The following ANGPT1 variants were observed in gnomAD, a reference collection of about 807,000 sequenced individuals.
The protein encoded by ANGPT1 is angiopoietin-1.
Under a neutral mutation model 62.2 loss-of-function variants are expected in ANGPT1, and 17 were observed. The ratio of observed to expected loss-of-function variants is 0.27; its 90% confidence interval spans 0.19 to 0.41. The LOEUF is 0.41. Ranked by LOEUF, ANGPT1 falls within the 10% of genes least tolerant of loss-of-function variation. ANGPT1 has a pLI of 1.00. For missense variants in ANGPT1, 478 were observed against 594.9 expected (o/e 0.80, Z 2.04); for synonymous variants, 199 against 198.9 (o/e 1.00, Z 0.00).
At chr8:107,254,747 A>G (rs1813320175) in intron 8 of ANGPT1, among the ~76,000 whole-genome samples, 1 of 152,138 alleles carries the variant, frequency 6.6e-6, no homozygotes, top group South Asian at 2.1e-4. Flanking sequence ...CTTGCAGGAA[A>G]TGAAGGTGGA....
At chr8:107,488,761 A>T (rs572500307) in intron 1 of ANGPT1, among the ~76,000 whole-genome samples, 1 of 152,170 alleles carries the variant, frequency 6.6e-6, no homozygotes, top group Non-Finnish European at 1.5e-5. Context: ...ATATCTGTGC[A>T]ATTAAAATAA....
chr8:107,320,972 A>G (rs1815136396), intron 4 of ANGPT1, among the ~76,000 whole-genome samples: 1 of 152,100 alleles, frequency 6.6e-6, no homozygotes, highest in South Asian at 2.1e-4. Flanking sequence ...CTTAATAACA[A>G]CAACTTGCAG....
At chr8:107,438,561 A>C (rs971023588) in intron 1 of ANGPT1, among the ~76,000 whole-genome samples, 1 of 152,172 alleles carries the variant, frequency 6.6e-6, no homozygotes, top group African/African-American at 2.4e-5. Context: ...ATACACTGTA[A>C]TTATTTATGA....
intron 1 of ANGPT1, among the ~76,000 whole-genome samples, chr8:107,464,757 C>T (rs902783119): frequency 1.3e-5 from 2 of 152,088 alleles, no homozygotes; most frequent in African/African-American, 4.8e-5. Context: ...AAGTGAAGCT[C>T]ATACATGGAA....
chr8:107,316,367 T>A (rs1815013805), intron 4 of ANGPT1, among the ~76,000 whole-genome samples: 1 of 152,196 alleles, frequency 6.6e-6, no homozygotes, highest in Non-Finnish European at 1.5e-5. Flanking sequence ...TTGCTAGTAG[T>A]GTGATATTTA....
chr8:107,305,722 T>C (rs1814699332), intron 4 of ANGPT1, among the ~76,000 whole-genome samples: 1 of 152,110 alleles, frequency 6.6e-6, no homozygotes, highest in South Asian at 2.1e-4. Context: ...TTGTATTTTC[T>C]TGAAATTTAA....
chr8:107,316,653 C>T (rs1028582741), intron 4 of ANGPT1, among the ~76,000 whole-genome samples: 2 of 152,156 alleles, frequency 1.3e-5, no homozygotes, highest in African/African-American at 4.8e-5. Flanking sequence ...CATATATTGA[C>T]AATGACTGCT....
At chr8:107,385,489 A>ATCT (rs1338135581) in intron 1 of ANGPT1, among the ~76,000 whole-genome samples, 7 of 152,100 alleles carry the variant, frequency 4.6e-5, no homozygotes, top group African/African-American at 1.7e-4. Flanking sequence ...TTGTATCCTG[A>ATCT]AACTTTGCTG....
chr8:107,464,377 T>C (rs1269339493), intron 1 of ANGPT1, among the ~76,000 whole-genome samples: 1 of 152,166 alleles, frequency 6.6e-6, no homozygotes, highest in Non-Finnish European at 1.5e-5. Flanking sequence ...TAATTTTCAG[T>C]CTTCAAATCT....
chr8:107,303,463 C>A, intron 4 of ANGPT1, 96 bp from the exon 5 acceptor site: 1 of 1,061,384 alleles, frequency 9.4e-7, no homozygotes, highest in Non-Finnish European at 1.4e-6. Context: ...TTCATTTCCT[C>A]CACACAAATG....
At chr8:107,442,078 C>T (rs1016800862) in intron 1 of ANGPT1, among the ~76,000 whole-genome samples, 6 of 151,804 alleles carry the variant, frequency 4.0e-5, no homozygotes, top group East Asian at 1.9e-4. Flanking sequence ...AGTGACACTC[C>T]GTCTCAAAAA....
At chr8:107,469,077 C>A (rs888944962) in intron 1 of ANGPT1, among the ~76,000 whole-genome samples, 1 of 151,986 alleles carries the variant, frequency 6.6e-6, no homozygotes, top group Non-Finnish European at 1.5e-5. Context: ...TTAACTCATT[C>A]ATTTAGTACT....
intron 5 of ANGPT1, among the ~76,000 whole-genome samples, chr8:107,296,520 T>C (rs746840071): frequency 6.6e-6 from 1 of 151,976 alleles, no homozygotes; most frequent in Non-Finnish European, 1.5e-5. Flanking sequence ...TTAGTGACCT[T>C]GGTGAGAGAG....
chr8:107,495,275 T>C (rs1813063067), intron 1 of ANGPT1, among the ~76,000 whole-genome samples: 1 of 152,234 alleles, frequency 6.6e-6, no homozygotes, highest in Non-Finnish European at 1.5e-5. Flanking sequence ...GTTTTCAGCA[T>C]ATATTCAGCT....
chr8:107,422,472 A>G (rs4496939), intron 1 of ANGPT1, among the ~76,000 whole-genome samples: 108,138 of 152,072 alleles, frequency 0.71, 38,644 homozygotes, highest in East Asian at 0.78. Flanking sequence ...GAATAAATAC[A>G]TTTCTGGGAC....
rs371201180 is a variant in ANGPT1 at position 107,324,877 on chromosome 8, T to C, written c.576-2749A>G. On this transcript the variant is annotated intron_variant, in intron 3 of 8. Transcript: ENST00000517746. ...TTTTGAATTGCTTTCATTCTACCAA[T>C]ACCAAGAGAGAAAGGAGCCCTGCCC... Among the ~76,000 whole-genome samples the C allele has an allele frequency of 1.6e-4, 25 of 152,132 alleles. 1 individual carries two copies. Among genetic ancestry groups the C allele is most frequent in the East Asian group, 1.2e-3 (6 of 5,178 alleles).
chr8:107,457,495 G>T (rs1471639675), intron 1 of ANGPT1, among the ~76,000 whole-genome samples: 1 of 151,746 alleles, frequency 6.6e-6, no homozygotes, highest in Admixed American at 6.6e-5. Context: ...GCTTCTTTGT[G>T]GTCGCTGAGG....
intron 1 of ANGPT1, among the ~76,000 whole-genome samples, chr8:107,380,324 G>A (rs192532180): frequency 2.4e-4 from 36 of 151,596 alleles, no homozygotes; most frequent in African/African-American, 8.2e-4. Context: ...ATTTGACATC[G>A]AATGTTTATT....
chr8:107,348,120 A>G (rs1226495153), intron 1 of ANGPT1, among the ~76,000 whole-genome samples: 1 of 152,188 alleles, frequency 6.6e-6, no homozygotes, highest in Non-Finnish European at 1.5e-5. Context: ...CACACACCAC[A>G]AAATCAGCCA....
Sources: allele counts gnomAD v4.1 joint callset (sites outside exome capture counted in the v4.1 genomes callset), GRCh38; gene constraint gnomAD v4.1.1; transcripts MANE v1.5; gene names NCBI Gene and HGNC (gene_info 2026-07-23, HGNC 2026-07-21).